Variants in UCN observed in about 807,000 individuals in gnomAD.
The protein encoded by UCN is prepro-urocortin.
A neutral mutation model predicts 6.5 loss-of-function variants in UCN; 5 were observed. That is an observed-to-expected ratio of 0.77 (90% confidence interval 0.40 to 1.62). The LOEUF (loss-of-function observed/expected upper bound fraction) is 1.62. UCN is among the 40% of genes most tolerant of loss of function. The pLI is 0.02. For synonymous variants in UCN, 95 were observed against 96.4 expected (o/e 0.99, Z 0.09); for missense variants, 195 against 188.8 (o/e 1.03, Z -0.19).
rs753655772 is a variant in UCN at position 27,307,703 on chromosome 2, G to A, written c.193C>T (p.Arg65Cys). 3.9e-6 allele frequency: 6 copies of A among 1,556,170 alleles called. No individual in the cohort carries two copies. Among genetic ancestry groups the A allele is most frequent in the African/African-American group, 1.4e-5 (1 of 71,792 alleles). ...AGTCCCAATCGGCCGGGCCCCGCGC[G>A]GCGCGGGAAGCGCTCCGCCAGCAGC... ...LLLLAERFPR[R>C]AGPGRLGLGT... Residue 65 changes from arginine to cysteine, a missense_variant, in exon 2 of 2, where the codon CGC (arginine) becomes TGC (cysteine). Coordinates refer to ENST00000296099, the MANE Select transcript of UCN (RefSeq NM_003353.4). The surrounding 1 kb of genome is among the most constrained non-coding windows in gnomAD (Gnocchi z 6.9).
In UCN at chr2:27,307,574, G is replaced by T; in HGVS notation, c.322C>A (p.Gln108Lys). The T allele has an allele frequency of 6.2e-7, 1 of 1,612,974 alleles. No homozygotes were observed. Among genetic ancestry groups the T allele is most frequent in the Non-Finnish European group, 8.5e-7 (1 of 1,179,984 alleles). ...TLLELARTQSQRERAEQNRII... is the reference protein window; with the variant it reads ...TLLELARTQSKRERAEQNRII... ...CGGTTCTGCTCGGCGCGCTCCCGCTGGCTCTGCGTCCGCGCCAGCTCCAGC... is the reference window on the plus strand; with the variant it reads ...CGGTTCTGCTCGGCGCGCTCCCGCTTGCTCTGCGTCCGCGCCAGCTCCAGC... Residue 108 changes from glutamine (Q) to lysine (K), a missense_variant, in exon 2 of 2, where the codon CAG becomes AAG. By Grantham distance (53) the Gln-to-Lys change is moderately conservative. Transcript: ENST00000296099. The surrounding 1 kb of genome is among the most constrained non-coding windows in gnomAD (Gnocchi z 6.9).
chr2:27,307,427 A>G lies in UCN; in HGVS notation c.*94T>C, dbSNP rs1679258521. 9.0e-6 allele frequency: 14 copies of G among 1,548,522 alleles called. No individual in the cohort carries two copies. The highest frequency in any genetic ancestry group is 1.0e-5 in the Non-Finnish European group (12 of 1,149,086). ...GTCTTCAGTACTTTTATTAAAAAAT[A>G]GTCACGCAGACAGTGCCCTGGTGGC... On this transcript the variant is annotated 3_prime_UTR_variant, in exon 2 of 2. Transcript: ENST00000296099. The surrounding 1 kb of genome is among the most constrained non-coding windows in gnomAD (Gnocchi z 6.9).
Position 27,307,688 on chromosome 2 carries a change from G to A in UCN, c.208C>T (p.Arg70Ter). The A allele has an allele frequency of 1.3e-6, 2 of 1,583,790 alleles. No homozygotes were observed. Among genetic ancestry groups the A allele is most frequent in the South Asian group, 1.1e-5 (1 of 88,644 alleles). ...TCGCCTGCCGTCCCGAGTCCCAATC[G>A]GCCGGGCCCCGCGCGGCGCGGGAAG... Reference protein sequence around the residue: ...ERFPRRAGPGRLGLGTAGERP... With the variant: ...ERFPRRAGPG The change falls in exon 2 of 2, where the codon CGA becomes TGA. Residue 70 changes from arginine (R) to a stop codon, truncating the protein, a stop_gained. Transcript: ENST00000296099. LOFTEE classifies it high-confidence loss of function. This position sits in a 1 kb window ranked among gnomAD's most constrained non-coding sequence, Gnocchi z 6.9.
Position 27,307,785 on chromosome 2 carries a change from A to G in UCN, c.111T>C (p.Ser37=). The G allele has an allele frequency of 6.6e-7, 1 of 1,510,600 alleles. No homozygotes were observed. Among genetic ancestry groups the G allele is most frequent in the Non-Finnish European group, 8.8e-7 (1 of 1,133,476 alleles). 93.6% of individuals were successfully genotyped at this position (1,510,600 alleles called of 1,614,324 possible). ...TCCGTGCCCCGGGGCTCCAGCGCAG[A>G]CTCGGGTCCTGGACCCCGGCCGCCT... ...SPEAAGVQDP[S]LRWSPGARNQ... is the part of the protein sequence containing the mutation. The change falls in exon 2 of 2, where the codon AGT becomes AGC. Residue 37 remains serine (S), a synonymous_variant. Transcript: ENST00000296099. This position sits in a 1 kb window ranked among gnomAD's most constrained non-coding sequence, Gnocchi z 6.9.
chr2:27,307,930 A>T lies in UCN; in HGVS notation c.-13-22T>A. ...GGCCCTGGACACACAGGGGCAGCGC[A>T]GGGTGAGGTGCGCCTGGGACAGCTG... On this transcript the variant is annotated intron_variant, in intron 1 of 1. Coordinates refer to ENST00000296099, the MANE Select transcript of UCN (RefSeq NM_003353.4). This position sits in a 1 kb window ranked among gnomAD's most constrained non-coding sequence, Gnocchi z 6.9. The T allele has an allele frequency of 7.2e-7, 1 of 1,383,836 alleles. No homozygotes were observed. The highest frequency in any genetic ancestry group is 9.3e-7 in the Non-Finnish European group (1 of 1,074,312). 85.7% of individuals were successfully genotyped at this position (1,383,836 alleles called of 1,614,324 possible).
Position 27,307,454 on chromosome 2 carries a change from C to G in UCN, c.*67G>C. On this transcript the variant is annotated 3_prime_UTR_variant, in exon 2 of 2. Transcript: ENST00000296099. The surrounding 1 kb of genome is among the most constrained non-coding windows in gnomAD (Gnocchi z 6.9). ...TCACGCAGACAGTGCCCTGGTGGCT[C>G]TGCCCCGCATCCCAACTCTGGGGTG... 3 of 1,604,182 alleles carry G rather than the reference C, an allele frequency of 1.9e-6. No homozygotes were observed. Among genetic ancestry groups the G allele is most frequent in the South Asian group, 1.1e-5 (1 of 90,302 alleles).
chr2:27,308,204 C>T lies in UCN; in HGVS notation c.-58G>A, dbSNP rs1282841365. The T allele has an allele frequency of 7.0e-6, 2 of 283,704 alleles. No homozygotes were observed. The highest frequency in any genetic ancestry group is 9.6e-4 in the Middle Eastern group (1 of 1,038). The allele number at this position is 283,704 out of a possible 1,614,324, so 17.6% of individuals were successfully genotyped here. ...GTACGGTCCAAGATTGAGCTCCAGT[C>T]TCTGTCCCTCGGGGCAGGCTGAAGA... On this transcript the variant is annotated 5_prime_UTR_variant, in exon 1 of 2. Transcript: ENST00000296099. The surrounding 1 kb of genome is among the most constrained non-coding windows in gnomAD (Gnocchi z 4.2).
rs1286069759 is a variant in UCN at position 27,307,430 on chromosome 2, CACGCAG to C, written c.*85_*90del. On this transcript the variant is annotated 3_prime_UTR_variant, in exon 2 of 2. Transcript: ENST00000296099. This position sits in a 1 kb window ranked among gnomAD's most constrained non-coding sequence, Gnocchi z 6.9. ...TTCAGTACTTTTATTAAAAAATAGTCACGCAGACAGTGCCCTGGTGGCTCTGCCCCG... is the reference window on the plus strand; with the variant it reads ...TTCAGTACTTTTATTAAAAAATAGTCACAGTGCCCTGGTGGCTCTGCCCCG... 7 of 1,564,520 alleles carry C rather than the reference CACGCAG, an allele frequency of 4.5e-6. No individual in the cohort carries two copies. The highest frequency in any genetic ancestry group is 6.0e-6 in the Non-Finnish European group (7 of 1,157,292).
chr2:27,307,404 C>A lies in UCN; in HGVS notation c.*117G>T. 1 of 1,478,170 alleles carries A rather than the reference C, an allele frequency of 6.8e-7. No individual in the cohort carries two copies. The highest frequency in any genetic ancestry group is 1.3e-5 in the South Asian group (1 of 75,592). 91.6% of individuals were successfully genotyped at this position (1,478,170 alleles called of 1,614,324 possible). Reference sequence around the variant, plus strand: ...GCCTCTACGACAAAAGCCAACGGGTCTTCAGTACTTTTATTAAAAAATAGT... The same window carrying A: ...GCCTCTACGACAAAAGCCAACGGGTATTCAGTACTTTTATTAAAAAATAGT... On this transcript the variant is annotated 3_prime_UTR_variant, in exon 2 of 2. Coordinates refer to ENST00000296099, the MANE Select transcript of UCN (RefSeq NM_003353.4). This position sits in a 1 kb window ranked among gnomAD's most constrained non-coding sequence, Gnocchi z 6.9.
chr2:27,307,476 G>T lies in UCN; in HGVS notation c.*45C>A, dbSNP rs139805248. On this transcript the variant is annotated 3_prime_UTR_variant, in exon 2 of 2. Coordinates refer to ENST00000296099, the MANE Select transcript of UCN (RefSeq NM_003353.4). This position sits in a 1 kb window ranked among gnomAD's most constrained non-coding sequence, Gnocchi z 6.9. Reference sequence around the variant, plus strand: ...GCTCTGCCCCGCATCCCAACTCTGGGGTGGGGGAAAGGGGTCAACGTTTTC... The same window carrying T: ...GCTCTGCCCCGCATCCCAACTCTGGTGTGGGGGAAAGGGGTCAACGTTTTC... 1.4e-3 allele frequency: 2,185 copies of T among 1,610,134 alleles called. 1 individual carries two copies. The highest frequency in any genetic ancestry group is 2.2e-3 in the South Asian group (203 of 90,938).
rs1679286796 is a variant in UCN, at chr2:27,307,933, G to A, written c.-13-25C>T. On this transcript the variant is annotated intron_variant, in intron 1 of 1. Coordinates refer to ENST00000296099, the MANE Select transcript of UCN (RefSeq NM_003353.4). The surrounding 1 kb of genome is among the most constrained non-coding windows in gnomAD (Gnocchi z 6.9). ...CCTGGACACACAGGGGCAGCGCAGG[G>A]TGAGGTGCGCCTGGGACAGCTGCAG... The A allele has an allele frequency of 1.5e-6, 2 of 1,375,814 alleles. No individual in the cohort carries two copies. The highest frequency in any genetic ancestry group is 1.6e-5 in the South Asian group (1 of 61,386). 85.2% of individuals were successfully genotyped at this position (1,375,814 alleles called of 1,614,324 possible).
chr2:27,307,987 G>A lies in UCN; in HGVS notation c.-13-79C>T, dbSNP rs1395137873. 6.2e-6 allele frequency: 8 copies of A among 1,284,048 alleles called. No individual in the cohort carries two copies. Among genetic ancestry groups the A allele is most frequent in the Non-Finnish European group, 7.9e-6 (8 of 1,012,046 alleles). The allele number at this position is 1,284,048 out of a possible 1,614,324, so 79.5% of individuals were successfully genotyped here. A position where few individuals can be genotyped will look rare whatever the true frequency, so the allele number is the denominator to read the frequency against. On this transcript the variant is annotated intron_variant, in intron 1 of 1. Coordinates refer to ENST00000296099, the MANE Select transcript of UCN (RefSeq NM_003353.4). The surrounding 1 kb of genome is among the most constrained non-coding windows in gnomAD (Gnocchi z 6.9). ...GCCGCTCCCCTCCCCGCGCTCGCCC[G>A]GCGACCCCTCCGGCCGCCGCCCAAT...
In UCN at chr2:27,307,561, G is replaced by A. The variant is rs1679266009; in HGVS notation, c.335C>T (p.Ala112Val). ...LARTQSQRER[A>V]EQNRIIFDSV... ...GTCGAATATGATGCGGTTCTGCTCG[G>A]CGCGCTCCCGCTGGCTCTGCGTCCG... is the stretch of plus-strand genomic sequence containing the variant. Residue 112 changes from alanine to valine, a missense_variant, in exon 2 of 2, where the codon GCC (alanine) becomes GTC (valine). Transcript: ENST00000296099. This position sits in a 1 kb window ranked among gnomAD's most constrained non-coding sequence, Gnocchi z 6.9. 1 of 1,612,644 alleles carries A rather than the reference G, an allele frequency of 6.2e-7. No individual in the cohort carries two copies. Among genetic ancestry groups the A allele is most frequent in the Non-Finnish European group, 8.5e-7 (1 of 1,179,878 alleles).
rs989486739 is a variant in UCN, at chr2:27,307,501, C to T, written c.*20G>A. On this transcript the variant is annotated 3_prime_UTR_variant, in exon 2 of 2. Transcript: ENST00000296099. This position sits in a 1 kb window ranked among gnomAD's most constrained non-coding sequence, Gnocchi z 6.9. ...GGTGGGGGAAAGGGGTCAACGTTTT[C>T]GCAGCCCCAAACCGGGCCATCACTT... is the stretch of plus-strand genomic sequence containing the variant. The T allele has an allele frequency of 1.2e-6, 2 of 1,612,536 alleles. No homozygotes were observed. Among genetic ancestry groups the T allele is most frequent in the South Asian group, 1.1e-5 (1 of 91,038 alleles).
At position 27,307,489 on chromosome 2, in the gene UCN, G is replaced by GGTCA; in HGVS notation, c.*28_*31dup. The GGTCA allele has an allele frequency of 1.9e-6, 3 of 1,611,842 alleles. No homozygotes were observed. Among genetic ancestry groups the GGTCA allele is most frequent in the Non-Finnish European group, 2.5e-6 (3 of 1,179,690 alleles). On this transcript the variant is annotated 3_prime_UTR_variant, in exon 2 of 2. Transcript: ENST00000296099. This position sits in a 1 kb window ranked among gnomAD's most constrained non-coding sequence, Gnocchi z 6.9. Reference sequence around the variant, plus strand: ...TCCCAACTCTGGGGTGGGGGAAAGGGGTCAACGTTTTCGCAGCCCCAAACC... The same window carrying GGTCA: ...TCCCAACTCTGGGGTGGGGGAAAGGGGTCAGTCAACGTTTTCGCAGCCCCAAACC...
In UCN at chr2:27,307,709, G is replaced by A. The variant is rs755097358; in HGVS notation, c.187C>T (p.Pro63Ser). 16 of 1,547,686 alleles carry A rather than the reference G, an allele frequency of 1.0e-5. No homozygotes were observed. The highest frequency in any genetic ancestry group is 5.9e-5 in the South Asian group (5 of 84,498). Residue 63 changes from proline (P) to serine (S), a missense_variant, in exon 2 of 2, where the codon CCG (proline) becomes TCG (serine). Pro to Ser is a moderately conservative substitution (Grantham distance 74, BLOSUM62 -1). Coordinates refer to ENST00000296099, the MANE Select transcript of UCN (RefSeq NM_003353.4). This position sits in a 1 kb window ranked among gnomAD's most constrained non-coding sequence, Gnocchi z 6.9. ...ALLLLLAERF[P>S]RRAGPGRLGL... ...AATCGGCCGGGCCCCGCGCGGCGCGGGAAGCGCTCCGCCAGCAGCAAGAGG... is the reference window on the plus strand; with the variant it reads ...AATCGGCCGGGCCCCGCGCGGCGCGAGAAGCGCTCCGCCAGCAGCAAGAGG...
In UCN at chr2:27,307,570, C is replaced by T. The variant is rs1416739311; in HGVS notation, c.326G>A (p.Arg109Gln). The change falls in exon 2 of 2, where the codon CGG becomes CAG. Residue 109 changes from arginine (R) to glutamine (Q), a missense_variant. Transcript: ENST00000296099. This position sits in a 1 kb window ranked among gnomAD's most constrained non-coding sequence, Gnocchi z 6.9. Reference sequence around the variant, plus strand: ...GATGCGGTTCTGCTCGGCGCGCTCCCGCTGGCTCTGCGTCCGCGCCAGCTC... The same window carrying T: ...GATGCGGTTCTGCTCGGCGCGCTCCTGCTGGCTCTGCGTCCGCGCCAGCTC... The part of the protein sequence containing the change: ...LLELARTQSQ[R>Q]ERAEQNRIIF... 1.2e-6 allele frequency: 2 copies of T among 1,612,994 alleles called. No homozygotes were observed. Among genetic ancestry groups the T allele is most frequent in the African/African-American group, 1.3e-5 (1 of 75,042 alleles).
At position 27,307,903 on chromosome 2, in the gene UCN, C is replaced by G; in HGVS notation, c.-8G>C. On this transcript the variant is annotated 5_prime_UTR_variant, in exon 2 of 2. Coordinates refer to ENST00000296099, the MANE Select transcript of UCN (RefSeq NM_003353.4). The surrounding 1 kb of genome is among the most constrained non-coding windows in gnomAD (Gnocchi z 6.9). ...GCGTCCCGCCTGCCTCATGGTGCCG[C>G]CGGCCCTGGACACACAGGGGCAGCG... 1 of 1,461,798 alleles carries G rather than the reference C, an allele frequency of 6.8e-7. No individual in the cohort carries two copies. Among genetic ancestry groups the G allele is most frequent in the Non-Finnish European group, 9.0e-7 (1 of 1,114,714 alleles). The allele number at this position is 1,461,798 out of a possible 1,614,324, so 90.6% of individuals were successfully genotyped here.
chr2:27,307,855 A>C lies in UCN; in HGVS notation c.41T>G (p.Leu14Arg). 6.7e-7 allele frequency: 1 copy of C among 1,492,948 alleles called. No individual in the cohort carries two copies. Among genetic ancestry groups the C allele is most frequent in the Non-Finnish European group, 8.9e-7 (1 of 1,129,192 alleles). 92.5% of individuals were successfully genotyped at this position (1,492,948 alleles called of 1,614,324 possible). A position where few individuals can be genotyped will look rare whatever the true frequency, so the allele number is the denominator to read the frequency against. The change falls in exon 2 of 2, where the codon CTG becomes CGG. Residue 14 changes from leucine to arginine, a missense_variant. Transcript: ENST00000296099. This position sits in a 1 kb window ranked among gnomAD's most constrained non-coding sequence, Gnocchi z 6.9. ...AGRAALLAAL[L>R]LLVQLCPGSS... ...CCCAGGGCACAGCTGTACCAGGAGC[A>C]GCAGCGCGGCCAGCAGCGCTGCGCG...
Sources: allele counts gnomAD v4.1 joint callset, GRCh38; gene constraint gnomAD v4.1.1; non-coding constraint Gnocchi (gnomAD v3.1); transcripts MANE v1.5; gene names NCBI Gene and HGNC (gene_info 2026-07-23, HGNC 2026-07-21).